Variants in TSPEAR observed in about 807,000 individuals in gnomAD.
The protein encoded by TSPEAR is thrombospondin-type laminin G domain and EAR repeat-containing protein.
A neutral mutation model predicts 71.6 loss-of-function variants in TSPEAR; 69 were observed. The ratio of observed to expected loss-of-function variants is 0.96; its 90% CI spans 0.79 to 1.18. TSPEAR has a LOEUF of 1.18. TSPEAR is among the 50% of genes most tolerant of loss of function. The pLI, the probability that TSPEAR is intolerant of heterozygous loss-of-function variation, is 0.00. For synonymous variants in TSPEAR, 402 were observed against 387.2 expected (o/e 1.04, Z -0.45); for missense variants, 971 against 894.9 (o/e 1.09, Z -1.09).
intron 1 of TSPEAR, among the ~76,000 whole-genome samples, chr21:44,635,155 G>C (rs1270157678): frequency 6.6e-6 from 1 of 152,070 alleles, no homozygotes; most frequent in Admixed American, 6.6e-5. Flanking sequence ...GACCAGCCTG[G>C]CCAACATGGT....
chr21:44,544,892 A>G lies in TSPEAR; in HGVS notation c.304-10969T>C, dbSNP rs181367202. ...GTGAATCCATCAAGAAGATATACCA[A>G]TTGTAAATATATACATATCTAATAT... On this transcript the variant is annotated intron_variant, in intron 2 of 11. Transcript: ENST00000323084. Among the ~76,000 whole-genome samples the G allele has an allele frequency of 1.1e-4, 16 of 152,316 alleles. No homozygotes were observed. The East Asian group carries it at 2.9e-3, about 28-fold the overall frequency.
chr21:44,683,283 A>G (rs1986698411), intron 1 of TSPEAR, among the ~76,000 whole-genome samples: 1 of 124,920 alleles, frequency 8.0e-6, no homozygotes, highest in Non-Finnish European at 1.8e-5. Context: ...GTCATTCTCC[A>G]GTAACTGACG....
chr21:44,522,640 A>C (rs1233010810), intron 8 of TSPEAR, among the ~76,000 whole-genome samples: 3 of 152,166 alleles, frequency 2.0e-5, no homozygotes, highest in Non-Finnish European at 4.4e-5. Flanking sequence ...GGAGCTACAC[A>C]ATGGCAGGTA....
At chr21:44,690,840 T>C (rs574303952) in intron 1 of TSPEAR, among the ~76,000 whole-genome samples, 1 of 152,364 alleles carries the variant, frequency 6.6e-6, no homozygotes, top group African/African-American at 2.4e-5. Context: ...ATCAAGCTTC[T>C]GGGCTCAAGT....
At chr21:44,542,371 A>C (rs1450580383) in intron 2 of TSPEAR, among the ~76,000 whole-genome samples, 1 of 152,196 alleles carries the variant, frequency 6.6e-6, no homozygotes, top group Non-Finnish European at 1.5e-5. Flanking sequence ...CAAGGAGAGG[A>C]GTGAAATAGG....
intron 1 of TSPEAR, chr21:44,654,544 G>T: frequency 6.2e-7 from 1 of 1,611,790 alleles, no homozygotes; most frequent in Non-Finnish European, 8.5e-7. Context: ...TGGGTAGCAG[G>T]TGCTGGGGAC....
chr21:44,527,221 G>A lies in TSPEAR; in HGVS notation c.1149+71C>T, dbSNP rs1453260878. The A allele has an allele frequency of 5.2e-6, 8 of 1,529,238 alleles. No homozygotes were observed. In the Admixed American group the frequency reaches 8.5e-5, roughly 16 times the overall value. The allele number at this position is 1,529,238 out of a possible 1,614,324, so 94.7% of individuals were successfully genotyped here. ...TCCTTTACCTGCAGAATCAGTGTAG[G>A]GGGCCCCGCCTGTGGACTCGGGGCT... is the stretch of plus-strand genomic sequence containing the variant. On this transcript the variant is annotated intron_variant, in intron 7 of 11. Coordinates refer to ENST00000323084, the MANE Select transcript of TSPEAR (RefSeq NM_144991.3).
Position 44,550,479 on chromosome 21 carries a change from A to G in TSPEAR, c.304-16556T>C, listed in dbSNP as rs2053391399. The G allele has an allele frequency of 3.9e-6, 3 of 776,796 alleles. No individual in the cohort carries two copies. The East Asian group carries it at 8.1e-5, about 21-fold the overall frequency. 48.1% of individuals were successfully genotyped at this position (776,796 alleles called of 1,614,324 possible). On this transcript the variant is annotated intron_variant, in intron 2 of 11. Transcript: ENST00000323084. ...CGACCAGCGGAGGGTTGTGGTCTGC[A>G]GCCAGGAAGCACCGTGAGGAGAAGC... is the stretch of plus-strand genomic sequence containing the variant.
At chr21:44,700,521 G>C (rs1214405642) in intron 1 of TSPEAR, among the ~76,000 whole-genome samples, 2 of 152,230 alleles carry the variant, frequency 1.3e-5, no homozygotes, top group Non-Finnish European at 2.9e-5. Flanking sequence ...GAGGGGCCTG[G>C]AGGCCCCGGG....
intron 2 of TSPEAR, among the ~76,000 whole-genome samples, chr21:44,555,798 A>G (rs233250): frequency 0.84 from 127,530 of 152,124 alleles, 53,561 homozygotes; most frequent in South Asian, 0.89. Flanking sequence ...CCTTCCTGCC[A>G]TGCCTGCTCC....
intron 11 of TSPEAR, among the ~76,000 whole-genome samples, chr21:44,503,283 T>C (rs2052087835): frequency 8.1e-6 from 1 of 122,946 alleles, no homozygotes; most frequent in Non-Finnish European, 1.6e-5. Context: ...CTGGCCTCGG[T>C]GAGCCCTCGG....
chr21:44,658,783 G>A (rs1490760369), intron 1 of TSPEAR, among the ~76,000 whole-genome samples: 4 of 152,068 alleles, frequency 2.6e-5, no homozygotes, highest in African/African-American at 7.2e-5. Context: ...CAACTCTTGC[G>A]TTTTTATGTT....
intron 1 of TSPEAR, chr21:44,600,771 C>G: frequency 1.2e-6 from 2 of 1,600,258 alleles, no homozygotes; most frequent in Non-Finnish European, 1.7e-6. Context: ...GCGCCCCGGC[C>G]CCCTGCCTGA....
chr21:44,577,282 A>G (rs1978523057), intron 1 of TSPEAR, among the ~76,000 whole-genome samples: 1 of 152,228 alleles, frequency 6.6e-6, no homozygotes, highest in Non-Finnish European at 1.5e-5. Flanking sequence ...TCAAGAATTT[A>G]AAAACTCCAC....
At chr21:44,564,406 G>C (rs170848) in intron 2 of TSPEAR, among the ~76,000 whole-genome samples, 141,516 of 152,246 alleles carry the variant, frequency 0.93, 65,934 homozygotes, top group Non-Finnish European at 0.96. Context: ...TCTTTATATT[G>C]CAATATACAA....
intron 3 of TSPEAR, among the ~76,000 whole-genome samples, chr21:44,533,114 T>G (rs1193648764): frequency 3.3e-5 from 5 of 152,258 alleles, no homozygotes; most frequent in Non-Finnish European, 1.5e-5. Flanking sequence ...TCTAAGCCAC[T>G]GACTCTGATG....
intron 1 of TSPEAR, among the ~76,000 whole-genome samples, chr21:44,700,731 G>C (rs1555951416): frequency 6.6e-6 from 1 of 152,200 alleles, no homozygotes; most frequent in Non-Finnish European, 1.5e-5. Context: ...TCCCAGGCTT[G>C]CCAGGCTTGA....
intron 7 of TSPEAR, 33 bp downstream of exon 7, chr21:44,527,259 G>C (rs781916131): frequency 6.2e-7 from 1 of 1,611,324 alleles, no homozygotes; most frequent in Non-Finnish European, 8.5e-7. Flanking sequence ...CCAAGAGAAA[G>C]GGGATGGAGA....
chr21:44,518,960 G>T, intron 9 of TSPEAR: 1 of 243,296 alleles, frequency 4.1e-6, no homozygotes, highest in Non-Finnish European at 8.4e-6. Flanking sequence ...GGATTGCTGT[G>T]CTCTGCAGCT....
Sources: gnomAD v4.1 joint callset for allele counts (sites outside exome capture counted in the v4.1 genomes callset) on GRCh38, gnomAD v4.1.1 for gene constraint, MANE v1.5 for transcripts, NCBI Gene and HGNC (gene_info 2026-07-23, HGNC 2026-07-21) for gene names.